The following LRRTM4 variants were observed in gnomAD, a reference collection of about 807,000 sequenced individuals.
LRRTM4 encodes the protein leucine-rich repeat transmembrane neuronal protein 4.
In LRRTM4, 25 loss-of-function variants were observed where a neutral mutation model predicts 47.6. The observed-to-expected ratio is 0.53, with a 90% CI of 0.38 to 0.73. LRRTM4 has a LOEUF of 0.73. LRRTM4 is among the 30% of genes least tolerant of loss of function. LRRTM4 has a pLI of 0.00. For synonymous variants in LRRTM4, 311 were observed against 269.5 expected (o/e 1.15, Z -1.51); for missense variants, 638 against 713.4 (o/e 0.89, Z 1.20).
chr2:76,796,234 T>C lies in LRRTM4; in HGVS notation c.1552-47318A>G, dbSNP rs1322741545. Among the ~76,000 whole-genome samples, 3 of 73,756 alleles carry C rather than the reference T, an allele frequency of 4.1e-5. 1 individual carries two copies. The highest frequency in any genetic ancestry group is 7.0e-5 in the Non-Finnish European group (3 of 42,774). The allele number at this position is 73,756 out of a possible 152,430, so 48.4% of individuals were successfully genotyped here. A position where few individuals can be genotyped will look rare whatever the true frequency, so the allele number is the denominator to read the frequency against. ...TCAAACTGCAAGGCGGCAGCCAGGC[T>C]GGGGGAGGGGTGCCCGCCATTGAAC... On this transcript the variant is annotated intron_variant, in intron 3 of 3. Transcript: ENST00000409884.
At chr2:77,000,029 G>A (rs1387500898) in intron 3 of LRRTM4, among the ~76,000 whole-genome samples, 2 of 151,978 alleles carry the variant, frequency 1.3e-5, no homozygotes, top group African/African-American at 4.8e-5. Flanking sequence ...TTCTTCTTTA[G>A]ACATTACTGA....
chr2:76,885,999 A>G (rs1320795833), intron 3 of LRRTM4, among the ~76,000 whole-genome samples: 1 of 152,202 alleles, frequency 6.6e-6, no homozygotes, highest in Non-Finnish European at 1.5e-5. Context: ...AGAATGGTAC[A>G]CTATAAGAAA....
intron 3 of LRRTM4, among the ~76,000 whole-genome samples, chr2:76,861,472 T>C (rs13389599): frequency 0.025 from 3,791 of 152,208 alleles, 149 homozygotes; most frequent in African/African-American, 0.086. Context: ...AATTCACAGT[T>C]TAAATTTCTT....
At chr2:77,474,586 A>C (rs1370815357) in intron 3 of LRRTM4, among the ~76,000 whole-genome samples, 1 of 152,144 alleles carries the variant, frequency 6.6e-6, no homozygotes, top group East Asian at 1.9e-4. Flanking sequence ...GTCAAAATTC[A>C]AATAAGTGTT....
chr2:77,071,719 CAACT>C (rs1343468388), intron 3 of LRRTM4, among the ~76,000 whole-genome samples: 81 of 152,130 alleles, frequency 5.3e-4, no homozygotes, highest in Admixed American at 5.3e-3. Context: ...TAATAACAAC[CAACT>C]AAAGAATTTG....
chr2:76,968,370 A>G (rs1390375958), intron 3 of LRRTM4, among the ~76,000 whole-genome samples: 2 of 136,928 alleles, frequency 1.5e-5, no homozygotes, highest in African/African-American at 2.7e-5. Context: ...ATATATATAT[A>G]TATATATATA....
intron 3 of LRRTM4, among the ~76,000 whole-genome samples, chr2:77,085,062 G>C (rs546632585): frequency 2.0e-5 from 3 of 151,952 alleles, no homozygotes; most frequent in Non-Finnish European, 4.4e-5. Context: ...GATTTTAGTA[G>C]GATAATTTTA....
intron 3 of LRRTM4, among the ~76,000 whole-genome samples, chr2:77,139,689 T>G (rs916847793): frequency 2.6e-5 from 4 of 152,316 alleles, no homozygotes; most frequent in Admixed American, 2.6e-4. Flanking sequence ...AAATTGTCCC[T>G]GTTTGTAGAT....
intron 3 of LRRTM4, among the ~76,000 whole-genome samples, chr2:77,333,896 T>C (rs1277455137): frequency 6.6e-6 from 1 of 152,174 alleles, no homozygotes; most frequent in African/African-American, 2.4e-5. Flanking sequence ...GCTGGGATAG[T>C]GGCTGTACCC....
At chr2:76,788,817 G>A (rs1674818567) in intron 3 of LRRTM4, among the ~76,000 whole-genome samples, 1 of 152,050 alleles carries the variant, frequency 6.6e-6, no homozygotes. Flanking sequence ...ACATAGAGAA[G>A]TTTTTATATT....
chr2:77,455,532 G>A (rs766459792), intron 3 of LRRTM4, among the ~76,000 whole-genome samples: 3 of 151,806 alleles, frequency 2.0e-5, no homozygotes, highest in African/African-American at 4.8e-5. Flanking sequence ...GCCTAAAGAG[G>A]GGTACATATA....
rs906540071 is a variant in LRRTM4, at chr2:76,885,886, TA to T, written c.1552-136971del. On this transcript the variant is annotated intron_variant, in intron 3 of 3. Coordinates refer to ENST00000409884, the MANE Select transcript of LRRTM4 (RefSeq NM_001134745.3). ...TTTGTACTTTAAGTTTTCCAGATCA[TA>T]AAAAAAAAGACATGAATCTTTTCAA... Among the ~76,000 whole-genome samples the T allele has an allele frequency of 1.9e-3, 291 of 150,712 alleles. 1 individual carries two copies. The highest frequency in any genetic ancestry group is 6.1e-3 in the African/African-American group (250 of 41,136).
At chr2:77,361,440 C>T (rs1573310671) in intron 3 of LRRTM4, among the ~76,000 whole-genome samples, 1 of 152,240 alleles carries the variant, frequency 6.6e-6, no homozygotes, top group Admixed American at 6.5e-5. Flanking sequence ...TCTTCATTCG[C>T]TTCATCCTTT....
At chr2:76,749,028 C>CT in intron 3 of LRRTM4, 112 bp from the exon 4 acceptor site, 1 of 763,866 alleles carries the variant, frequency 1.3e-6, no homozygotes, top group Non-Finnish European at 2.2e-6. Flanking sequence ...AAGTCATCAG[C>CT]TACAAATTCA....
chr2:76,981,739 C>T (rs530754738), intron 3 of LRRTM4, among the ~76,000 whole-genome samples: 37 of 152,056 alleles, frequency 2.4e-4, no homozygotes, highest in African/African-American at 7.9e-4. Context: ...GTAATCTTCC[C>T]GCCTCAGCCT....
chr2:76,872,783 C>CTGAA (rs368138340), intron 3 of LRRTM4, among the ~76,000 whole-genome samples: 126 of 152,144 alleles, frequency 8.3e-4, no homozygotes, highest in African/African-American at 2.9e-3. Flanking sequence ...CAGAACCCTC[C>CTGAA]TGAATAGCTT....
intron 3 of LRRTM4, among the ~76,000 whole-genome samples, chr2:77,111,920 T>C (rs1178301392): frequency 6.6e-6 from 1 of 152,192 alleles, no homozygotes. Flanking sequence ...AAAAGAAATG[T>C]GTGCATAGTA....
At chr2:77,209,072 G>A (rs1674220582) in intron 3 of LRRTM4, among the ~76,000 whole-genome samples, 1 of 152,002 alleles carries the variant, frequency 6.6e-6, no homozygotes, top group South Asian at 2.1e-4. Flanking sequence ...CCTATCACCA[G>A]CGCTCTCTCC....
At chr2:77,304,970 C>T (rs967096011) in intron 3 of LRRTM4, among the ~76,000 whole-genome samples, 6 of 151,926 alleles carry the variant, frequency 3.9e-5, no homozygotes, top group African/African-American at 1.4e-4. Flanking sequence ...ATGAATTATG[C>T]AGAGCCTAAA....
Sources: allele counts gnomAD v4.1 joint callset (sites outside exome capture counted in the v4.1 genomes callset), GRCh38; gene constraint gnomAD v4.1.1; transcripts MANE v1.5; gene names NCBI Gene and HGNC (gene_info 2026-07-23, HGNC 2026-07-21).